COTL1: variants seen among roughly 807,000 people sequenced by gnomAD.
The protein encoded by COTL1 is coactosin like F-actin binding protein 1, also known as coactosin-like protein.
Under a neutral mutation model 16.5 loss-of-function variants are expected in COTL1, and 15 were observed. The observed-to-expected ratio is 0.91, with a 90% CI of 0.61 to 1.40. The LOEUF (loss-of-function observed/expected upper bound fraction) is 1.40, where lower values mean the gene tolerates loss of function less well. Ranked by LOEUF, COTL1 falls within the 40% of genes most tolerant of loss-of-function variation. COTL1 has a pLI of 0.00. For synonymous variants in COTL1, 112 were observed against 85.3 expected (o/e 1.31, Z -1.73); for missense variants, 220 against 201.5 (o/e 1.09, Z -0.56).
intron 3 of COTL1, among the ~76,000 whole-genome samples, chr16:84,572,654 G>A (rs1456736934): frequency 2.6e-5 from 4 of 152,184 alleles, no homozygotes. Context: ...TAGAGACGTG[G>A]TTTCGTCATG....
chr16:84,605,234 AG>A (rs1179272974), intron 2 of COTL1, among the ~76,000 whole-genome samples: 2 of 152,178 alleles, frequency 1.3e-5, no homozygotes, highest in Admixed American at 1.3e-4. Context: ...TTACATTGCA[AG>A]CTGGGGTGCA....
intron 3 of COTL1, among the ~76,000 whole-genome samples, chr16:84,589,418 ACT>A (rs1904808466): frequency 6.6e-6 from 1 of 152,176 alleles, no homozygotes; most frequent in Admixed American, 6.5e-5. Context: ...CGTGTAACAC[ACT>A]GTTTCTGGTC....
intron 2 of COTL1, among the ~76,000 whole-genome samples, chr16:84,608,180 G>C (rs1905251326): frequency 6.6e-6 from 1 of 152,192 alleles, no homozygotes; most frequent in Admixed American, 6.5e-5. Flanking sequence ...GAATGAAATG[G>C]GGTAAAGAAA....
In COTL1 at chr16:84,617,975, G is replaced by T; in HGVS notation, c.-61C>A. 7.9e-7 allele frequency: 1 copy of T among 1,264,108 alleles called. No individual in the cohort carries two copies. The highest frequency in any genetic ancestry group is 1.8e-5 in the South Asian group (1 of 56,710). 78.3% of individuals were successfully genotyped at this position (1,264,108 alleles called of 1,614,324 possible). A position where few individuals can be genotyped will look rare whatever the true frequency, so the allele number is the denominator to read the frequency against. ...GCCGAGCGCGCCCCTGGCCGGCGGC[G>T]GGGATGGGAGCGCGGCGGGTACGCG... On this transcript the variant is annotated 5_prime_UTR_variant, in exon 1 of 4. Transcript: ENST00000262428.
intron 2 of COTL1, among the ~76,000 whole-genome samples, chr16:84,602,666 C>T (rs1320789475): frequency 6.6e-6 from 1 of 152,072 alleles, no homozygotes; most frequent in Non-Finnish European, 1.5e-5. Flanking sequence ...ACCAGCCTGG[C>T]CAACCCGGCA....
intron 3 of COTL1, among the ~76,000 whole-genome samples, chr16:84,589,644 G>A (rs1220335492): frequency 6.6e-6 from 1 of 152,106 alleles, no homozygotes; most frequent in African/African-American, 2.4e-5. Flanking sequence ...GGAAGTTTCT[G>A]ACATTGCAAA....
At chr16:84,572,283 C>G (rs1014506912) in intron 3 of COTL1, among the ~76,000 whole-genome samples, 1 of 152,198 alleles carries the variant, frequency 6.6e-6, no homozygotes, top group Non-Finnish European at 1.5e-5. Context: ...CCAGAGGGAA[C>G]ATATGCATGC....
intron 2 of COTL1, among the ~76,000 whole-genome samples, chr16:84,598,980 T>C (rs1172482681): frequency 2.0e-5 from 3 of 151,760 alleles, no homozygotes; most frequent in Non-Finnish European, 2.9e-5. Context: ...AAGGCAAGAA[T>C]TACCTGTAAT....
chr16:84,611,517 C>T lies in COTL1; in HGVS notation c.160+5984G>A, dbSNP rs557669140. ...TTCAAGAATATAGATAAAAATGAGACCAGCGGTCTGTCCTGGGAGATGACA... is the reference window on the plus strand; with the variant it reads ...TTCAAGAATATAGATAAAAATGAGATCAGCGGTCTGTCCTGGGAGATGACA... On this transcript the variant is annotated intron_variant, in intron 2 of 3. Coordinates refer to ENST00000262428, the MANE Select transcript of COTL1 (RefSeq NM_021149.5). Among the ~76,000 whole-genome samples, 88 of 152,166 alleles carry T rather than the reference C, an allele frequency of 5.8e-4. 1 individual carries two copies. The highest frequency in any genetic ancestry group is 1.2e-3 in the Non-Finnish European group (80 of 68,032).
chr16:84,577,527 G>A (rs753012854), intron 3 of COTL1, among the ~76,000 whole-genome samples: 1 of 152,164 alleles, frequency 6.6e-6, no homozygotes, highest in Non-Finnish European at 1.5e-5. Flanking sequence ...TTACAGGCAC[G>A]AGCCACCATG....
intron 2 of COTL1, among the ~76,000 whole-genome samples, chr16:84,592,849 T>C (rs1163754255): frequency 6.6e-6 from 1 of 152,160 alleles, no homozygotes; most frequent in Admixed American, 6.5e-5. Context: ...CCCCGGGAGC[T>C]AAGGAACACG....
intron 3 of COTL1, among the ~76,000 whole-genome samples, chr16:84,587,877 T>C (rs973927588): frequency 6.6e-6 from 1 of 152,106 alleles, no homozygotes; most frequent in Admixed American, 6.6e-5. Context: ...TTTCAAGAGA[T>C]TCTCCTGTCT....
In COTL1 at chr16:84,617,939, T is replaced by C. The variant is rs1427275544; in HGVS notation, c.-25A>G. ...TCGCCGCGGAGCCGCAGCGGGACACTGTCCGGGGCGGCCGAGCGCGCCCCT... is the reference window on the plus strand; with the variant it reads ...TCGCCGCGGAGCCGCAGCGGGACACCGTCCGGGGCGGCCGAGCGCGCCCCT... On this transcript the variant is annotated 5_prime_UTR_variant, in exon 1 of 4. Coordinates refer to ENST00000262428, the MANE Select transcript of COTL1 (RefSeq NM_021149.5). The C allele has an allele frequency of 6.6e-7, 1 of 1,519,436 alleles. No homozygotes were observed. The highest frequency in any genetic ancestry group is 8.8e-7 in the Non-Finnish European group (1 of 1,132,784). 94.1% of individuals were successfully genotyped at this position (1,519,436 alleles called of 1,614,324 possible).
chr16:84,616,048 T>C (rs1250456705), intron 2 of COTL1: 1 of 152,256 alleles, frequency 6.6e-6, no homozygotes, highest in Non-Finnish European at 1.5e-5. Context: ...CAAACAATCA[T>C]GTAGCTTGTA....
At chr16:84,607,530 T>C (rs761532982) in intron 2 of COTL1, among the ~76,000 whole-genome samples, 3 of 152,122 alleles carry the variant, frequency 2.0e-5, no homozygotes, top group Non-Finnish European at 4.4e-5. Context: ...AGAGAGAAGA[T>C]AAATTAGATA....
chr16:84,600,148 G>C (rs2967876), intron 2 of COTL1, among the ~76,000 whole-genome samples: 75,982 of 151,802 alleles, frequency 0.5, 19,488 homozygotes, highest in East Asian at 0.75. Flanking sequence ...AGTGACTTTC[G>C]TAACTCCCTG....
chr16:84,584,624 G>A (rs1904675958), intron 3 of COTL1, among the ~76,000 whole-genome samples: 1 of 152,232 alleles, frequency 6.6e-6, no homozygotes, highest in Non-Finnish European at 1.5e-5. Flanking sequence ...CTGTGTCCTG[G>A]AGCTGAGCAT....
rs1240290820 is a variant in COTL1, at chr16:84,592,816, G to C, written c.161-2554C>G. On this transcript the variant is annotated intron_variant, in intron 2 of 3. Transcript: ENST00000262428. ...GTTCGCCTTCAACAAGAAGCCGGGT[G>C]GTCTAACGGGTCATCCATTTGTCCC... Among the ~76,000 whole-genome samples the C allele has an allele frequency of 2.0e-5, 3 of 152,070 alleles. 1 individual carries two copies. Among genetic ancestry groups the C allele is most frequent in the Admixed American group, 2.0e-4 (3 of 15,248 alleles).
Position 84,615,225 on chromosome 16 carries a change from C to T in COTL1, c.160+2276G>A, listed in dbSNP as rs181389924. Among the ~76,000 whole-genome samples the T allele has an allele frequency of 6.6e-5, 10 of 152,362 alleles. No homozygotes were observed. In the East Asian group the frequency reaches 1.7e-3, roughly 26 times the overall value. On this transcript the variant is annotated intron_variant, in intron 2 of 3. Coordinates refer to ENST00000262428, the MANE Select transcript of COTL1 (RefSeq NM_021149.5). ...AGATGGCTGGGGAAAGAAAGCACTG[C>T]AGCTGAAGCTCCCATGGCCCATTCA...
Sources: gnomAD v4.1 joint callset for allele counts (sites outside exome capture counted in the v4.1 genomes callset) on GRCh38, gnomAD v4.1.1 for gene constraint, MANE v1.5 for transcripts, NCBI Gene and HGNC (gene_info 2026-07-23, HGNC 2026-07-21) for gene names.